CHD6: variants seen among roughly 807,000 people sequenced by gnomAD.
CHD6 encodes the protein ATP-dependent chromatin remodeler CHD6.
In CHD6, 50 loss-of-function variants were observed where a neutral mutation model predicts 276.9. The ratio of observed to expected loss-of-function variants is 0.18; its 90% CI spans 0.14 to 0.23. The LOEUF (loss-of-function observed/expected upper bound fraction) is 0.23, where lower values mean the gene tolerates loss of function less well. CHD6 is among the 10% of genes least tolerant of loss of function. CHD6 has a pLI of 1.00. For synonymous variants in CHD6, 1,173 were observed against 1,229.3 expected (o/e 0.95, Z 0.96); for missense variants, 2,564 against 3,365.8 (o/e 0.76, Z 5.89).
Position 41,587,209 on chromosome 20 carries a change from AAAAT to A in CHD6, c.-24+31127_-24+31130del, listed in dbSNP as rs1386191015. Among the ~76,000 whole-genome samples, 13 of 152,356 alleles carry A rather than the reference AAAAT, an allele frequency of 8.5e-5. No homozygotes were observed. The East Asian group carries it at 2.5e-3, about 29-fold the overall frequency. On this transcript the variant is annotated intron_variant, in intron 1 of 36. Coordinates refer to ENST00000373233, the MANE Select transcript of CHD6 (RefSeq NM_032221.5). ...ATTAACATTTTTTAAAGTACCATTT[AAAAT>A]AGTGTCCAAAAAACATACTTAGAGA...
chr20:41,501,250 T>C lies in CHD6; in HGVS notation c.853-1893A>G, dbSNP rs567783906. 8.5e-5 allele frequency among the ~76,000 whole-genome samples: 13 copies of C among 152,352 alleles called. No homozygotes were observed. The South Asian group carries it at 2.7e-3, about 32-fold the overall frequency. On this transcript the variant is annotated intron_variant, in intron 5 of 36. Transcript: ENST00000373233. Reference sequence around the variant, plus strand: ...ATCATGAAGGAACTATCAGGCATGCTAACAAAATGCTTAGTTACTGAGGTA... The same window carrying C: ...ATCATGAAGGAACTATCAGGCATGCCAACAAAATGCTTAGTTACTGAGGTA...
intron 36 of CHD6, among the ~76,000 whole-genome samples, chr20:41,407,461 C>T (rs1206424029): frequency 6.6e-6 from 1 of 152,226 alleles, no homozygotes; most frequent in Non-Finnish European, 1.5e-5. Flanking sequence ...CTGAGACTGG[C>T]CACCAGGCCT....
chr20:41,437,911 AC>A (rs1369661428), intron 26 of CHD6, among the ~76,000 whole-genome samples: 1 of 151,838 alleles, frequency 6.6e-6, no homozygotes, highest in East Asian at 1.9e-4. Flanking sequence ...ACAGGCAAGG[AC>A]CTTTATTCAA....
At position 41,457,351 on chromosome 20, in the gene CHD6, C is replaced by T. The variant is rs2048406913; in HGVS notation, c.2742G>A (p.Glu914=). ...VYRLITRNSY[E]REMFDKASLK... The stretch of plus-strand genomic sequence containing the variant: ...GGCTGGCCTTGTCAAACATCTCGCG[C>T]TCGTAGGAATTTCGAGTGATGAGGC... The change falls in exon 18 of 37, where the codon GAG becomes GAA. Residue 914 remains glutamate (E), a synonymous_variant. Coordinates refer to ENST00000373233, the MANE Select transcript of CHD6 (RefSeq NM_032221.5). The T allele has an allele frequency of 6.2e-7, 1 of 1,614,150 alleles. No homozygotes were observed. Among genetic ancestry groups the T allele is most frequent in the Non-Finnish European group, 8.5e-7 (1 of 1,179,996 alleles).
intron 8 of CHD6, among the ~76,000 whole-genome samples, chr20:41,495,644 A>C (rs74273560): frequency 0.029 from 4,395 of 152,202 alleles, 205 homozygotes; most frequent in East Asian, 0.17. Context: ...AAGAAAAAAA[A>C]CCCCCTACTT....
intron 1 of CHD6, among the ~76,000 whole-genome samples, chr20:41,588,629 T>C (rs1435661210): frequency 6.6e-6 from 1 of 152,082 alleles, no homozygotes; most frequent in Non-Finnish European, 1.5e-5. Flanking sequence ...AGACCAATGA[T>C]TCAGTCTCCT....
chr20:41,580,058 A>G (rs891228346), intron 1 of CHD6, among the ~76,000 whole-genome samples: 1 of 152,188 alleles, frequency 6.6e-6, no homozygotes, highest in African/African-American at 2.4e-5. Context: ...ACTATATCAT[A>G]GATTCATAGG....
intron 1 of CHD6, among the ~76,000 whole-genome samples, chr20:41,582,798 G>A (rs926412664): frequency 6.6e-6 from 1 of 152,130 alleles, no homozygotes; most frequent in African/African-American, 2.4e-5. Context: ...ATGTGACAAA[G>A]AATCAAATGG....
chr20:41,440,248 T>C, intron 25 of CHD6, 119 bp from the exon 26 acceptor site: 1 of 908,554 alleles, frequency 1.1e-6, no homozygotes, highest in Non-Finnish European at 1.7e-6. Flanking sequence ...AAAAAAATAA[T>C]TATTTAAGAT....
In CHD6 at chr20:41,555,134, G is replaced by A. The variant is rs1428701775; in HGVS notation, c.-23-3774C>T. On this transcript the variant is annotated intron_variant, in intron 1 of 36. Coordinates refer to ENST00000373233, the MANE Select transcript of CHD6 (RefSeq NM_032221.5). ...TGACCCCCCCACCTCCCTCCCCGAC[G>A]GGGCGGCTGGCCGGGCAGAGGGGCT... 8.2e-5 allele frequency among the ~76,000 whole-genome samples: 11 copies of A among 134,688 alleles called. 1 individual carries two copies. The highest frequency in any genetic ancestry group is 2.8e-4 in the East Asian group (1 of 3,636). The allele number at this position is 134,688 out of a possible 152,430, so 88.4% of individuals were successfully genotyped here.
chr20:41,530,566 G>GTA (rs939553042), intron 3 of CHD6, among the ~76,000 whole-genome samples: 4 of 152,098 alleles, frequency 2.6e-5, no homozygotes, highest in Non-Finnish European at 5.9e-5. Flanking sequence ...ATATGTGTGT[G>GTA]TATATATATA....
chr20:41,475,947 A>G (rs1238174446), intron 16 of CHD6, among the ~76,000 whole-genome samples: 2 of 152,226 alleles, frequency 1.3e-5, no homozygotes, highest in Non-Finnish European at 2.9e-5. Flanking sequence ...GATGAATGGA[A>G]TAATTCTCTA....
At chr20:41,440,219 T>G in intron 25 of CHD6, 90 bp from the exon 26 acceptor site, 1 of 1,191,978 alleles carries the variant, frequency 8.4e-7, no homozygotes, top group Admixed American at 2.0e-5. Flanking sequence ...CCTTATTTAG[T>G]AAAGAACAAA....
chr20:41,517,599 T>TAA (rs949686488), intron 3 of CHD6, among the ~76,000 whole-genome samples: 12 of 152,300 alleles, frequency 7.9e-5, no homozygotes, highest in African/African-American at 2.9e-4. Context: ...GAGACTCAGG[T>TAA]AAAACAGTTT....
At chr20:41,602,911 G>A (rs1266049580) in intron 1 of CHD6, among the ~76,000 whole-genome samples, 1 of 152,070 alleles carries the variant, frequency 6.6e-6, no homozygotes, top group African/African-American at 2.4e-5. Flanking sequence ...TCGAACTCCT[G>A]GGCTCACGTG....
chr20:41,575,008 C>A (rs2045458797), intron 1 of CHD6, among the ~76,000 whole-genome samples: 1 of 152,234 alleles, frequency 6.6e-6, no homozygotes, highest in Admixed American at 6.5e-5. Context: ...ACTTTAGCCT[C>A]TGATTGGTTG....
intron 1 of CHD6, among the ~76,000 whole-genome samples, chr20:41,581,040 G>C (rs556978764): frequency 2.0e-5 from 3 of 152,146 alleles, no homozygotes; most frequent in African/African-American, 4.8e-5. Context: ...TATCCACACT[G>C]ATAGATGGCT....
At position 41,416,592 on chromosome 20, in the gene CHD6, T is replaced by C. The variant is rs1326841845; in HGVS notation, c.6482A>G (p.His2161Arg). 28 of 1,610,328 alleles carry C rather than the reference T, an allele frequency of 1.7e-5. No homozygotes were observed. The highest frequency in any genetic ancestry group is 2.2e-5 in the Non-Finnish European group (26 of 1,178,568). The change falls in exon 33 of 37, where the codon CAC becomes CGC. Residue 2161 changes from histidine (H) to arginine (R), a missense_variant. Transcript: ENST00000373233. ...SNGAALAAQI[H>R]KESFLAPVFT... ...ACTCCATTCTTGCCGGCTCACCTTG[T>C]GGATCTGGGCCGCCAATGCTGCGCC... is the stretch of plus-strand genomic sequence containing the variant.
At chr20:41,468,570 T>A (rs923976776) in intron 17 of CHD6, among the ~76,000 whole-genome samples, 1 of 152,254 alleles carries the variant, frequency 6.6e-6, no homozygotes, top group African/African-American at 2.4e-5. Context: ...AAGTAACACC[T>A]GGCATGTCCC....
Sources: gnomAD v4.1 joint callset for allele counts (sites outside exome capture counted in the v4.1 genomes callset) on GRCh38, gnomAD v4.1.1 for gene constraint, MANE v1.5 for transcripts, NCBI Gene and HGNC (gene_info 2026-07-23, HGNC 2026-07-21) for gene names.